RAB7A: variants seen among roughly 807,000 people sequenced by gnomAD.
RAB7A encodes the protein RAB7A, member RAS oncogene family, also known as ras-related protein Rab-7a.
Under a neutral mutation model 24.5 loss-of-function variants are expected in RAB7A, and 2 were observed. The observed-to-expected ratio is 0.08, with a 90% CI of 0.03 to 0.26. The LOEUF (loss-of-function observed/expected upper bound fraction) is 0.26. RAB7A is among the 10% of genes least tolerant of loss of function. The pLI is 1.00. For synonymous variants in RAB7A, 100 were observed against 95.9 expected (o/e 1.04, Z -0.25); for missense variants, 118 against 255.7 (o/e 0.46, Z 3.67).
chr3:128,757,324 G>C (rs1169332611), intron 1 of RAB7A, among the ~76,000 whole-genome samples: 2 of 152,112 alleles, frequency 1.3e-5, no homozygotes, highest in Non-Finnish European at 2.9e-5. Flanking sequence ...AAGTGAAAGT[G>C]TGCCATTTTA....
Position 128,781,319 on chromosome 3 carries a change from A to T in RAB7A, c.-8-14041A>T, listed in dbSNP as rs181743924. Among the ~76,000 whole-genome samples, 3 of 152,154 alleles carry T rather than the reference A, an allele frequency of 2.0e-5. No individual in the cohort carries two copies. The East Asian group carries it at 5.8e-4, about 29-fold the overall frequency. Reference sequence around the variant, plus strand: ...ATGGAATGCTAGGAGCTTTCTGTGCATTATCTCATTTGTGGAGGATTCTCA... The same window carrying T: ...ATGGAATGCTAGGAGCTTTCTGTGCTTTATCTCATTTGTGGAGGATTCTCA... On this transcript the variant is annotated intron_variant, in intron 1 of 5. Transcript: ENST00000265062.
intron 1 of RAB7A, among the ~76,000 whole-genome samples, chr3:128,760,993 G>A (rs2070772091): frequency 6.6e-6 from 1 of 152,198 alleles, no homozygotes. Context: ...GATGGAAATT[G>A]TACAGATGCA....
chr3:128,733,300 C>T (rs1204415635), intron 1 of RAB7A, among the ~76,000 whole-genome samples: 3 of 152,170 alleles, frequency 2.0e-5, no homozygotes. Flanking sequence ...TGGAATCATA[C>T]ACTGTGTATT....
chr3:128,741,089 C>T (rs2070549010), intron 1 of RAB7A, among the ~76,000 whole-genome samples: 1 of 151,598 alleles, frequency 6.6e-6, no homozygotes, highest in African/African-American at 2.4e-5. Flanking sequence ...TTAACTTTCA[C>T]TTTCTGCTTT....
At chr3:128,783,350 C>A (rs1220241254) in intron 1 of RAB7A, among the ~76,000 whole-genome samples, 3 of 151,910 alleles carry the variant, frequency 2.0e-5, no homozygotes, top group Non-Finnish European at 4.4e-5. Context: ...GGTGCTCTTG[C>A]GTTTGAGGGA....
intron 1 of RAB7A, chr3:128,748,530 C>T (rs1305401666): frequency 6.6e-6 from 1 of 152,266 alleles, no homozygotes; most frequent in Non-Finnish European, 1.5e-5. Flanking sequence ...AGCCTTCCTC[C>T]AGTTTCCTAT....
At chr3:128,743,901 T>C (rs2070582406) in intron 1 of RAB7A, among the ~76,000 whole-genome samples, 1 of 151,332 alleles carries the variant, frequency 6.6e-6, no homozygotes, top group Non-Finnish European at 1.5e-5. Context: ...GCGATTCTCC[T>C]CCTCAGCCTC....
rs139260210 is a variant in RAB7A, at chr3:128,779,356, C to T, written c.-8-16004C>T. ...CCAGGAGACAAAGGTTGCAGTGAGC[C>T]GAGATCACGCCACTGCACTCCAGCC... is the stretch of plus-strand genomic sequence containing the variant. On this transcript the variant is annotated intron_variant, in intron 1 of 5. Transcript: ENST00000265062. Among the ~76,000 whole-genome samples, 852 of 150,894 alleles carry T rather than the reference C, an allele frequency of 5.6e-3. 6 individuals are homozygous for T. Among genetic ancestry groups the T allele is most frequent in the African/African-American group, 0.019 (799 of 41,022 alleles).
chr3:128,742,672 G>A (rs991124005), intron 1 of RAB7A, among the ~76,000 whole-genome samples: 2 of 152,092 alleles, frequency 1.3e-5, no homozygotes, highest in Non-Finnish European at 2.9e-5. Context: ...GCTGATTGGT[G>A]CGTTTACAAA....
intron 1 of RAB7A, among the ~76,000 whole-genome samples, chr3:128,736,286 G>A (rs2070489095): frequency 6.6e-6 from 1 of 152,104 alleles, no homozygotes; most frequent in South Asian, 2.1e-4. Context: ...AATAATGGCA[G>A]AAGAATAATA....
intron 1 of RAB7A, chr3:128,795,142 G>C: frequency 1.7e-6 from 1 of 592,102 alleles, no homozygotes; most frequent in Admixed American, 2.9e-5. Context: ...GCTTGCAGGG[G>C]CAGGATGGCC....
intron 1 of RAB7A, among the ~76,000 whole-genome samples, chr3:128,737,824 AGTTTTTTTTTTTTTT>A (rs2070506123): frequency 3.7e-5 from 1 of 27,390 alleles, no homozygotes; most frequent in African/African-American, 1.4e-4. Flanking sequence ...ATTTTTTTGT[AGTTTTTTTTTTTTTT>A]TTTTTTTTTT....
chr3:128,743,746 C>T (rs368444408), intron 1 of RAB7A, among the ~76,000 whole-genome samples: 3 of 151,428 alleles, frequency 2.0e-5, no homozygotes, highest in East Asian at 1.9e-4. Context: ...TGAGCCTATA[C>T]GTTCAATATC....
intron 1 of RAB7A, 48 bp downstream of exon 1, chr3:128,726,407 C>CG (rs1559776005): frequency 6.6e-6 from 1 of 152,418 alleles, no homozygotes; most frequent in Admixed American, 6.5e-5. Flanking sequence ...CATCCCCCCC[C>CG]TCAGCCCCTC....
At chr3:128,770,033 C>G (rs1351093823) in intron 1 of RAB7A, among the ~76,000 whole-genome samples, 1 of 146,936 alleles carries the variant, frequency 6.8e-6, no homozygotes, top group Non-Finnish European at 1.5e-5. Context: ...GACGGAGTCT[C>G]GCTCTGTCAC....
intron 1 of RAB7A, chr3:128,748,414 C>T (rs2070641772): frequency 6.6e-6 from 1 of 152,256 alleles, no homozygotes; most frequent in South Asian, 2.1e-4. Context: ...GGCAGGCTAG[C>T]TTAGACTCCT....
chr3:128,785,877 G>A (rs1242368725), intron 1 of RAB7A, among the ~76,000 whole-genome samples: 3 of 151,866 alleles, frequency 2.0e-5, no homozygotes. Context: ...CTTTTCAAAG[G>A]CTTCTGTCTT....
chr3:128,754,469 A>G (rs776435808), intron 1 of RAB7A, among the ~76,000 whole-genome samples: 7 of 152,230 alleles, frequency 4.6e-5, no homozygotes, highest in African/African-American at 9.6e-5. Context: ...ACAAAGATCA[A>G]CTAAACACAA....
intron 3 of RAB7A, among the ~76,000 whole-genome samples, chr3:128,803,228 G>A (rs1161619645): frequency 6.6e-6 from 1 of 152,130 alleles, no homozygotes; most frequent in Non-Finnish European, 1.5e-5. Flanking sequence ...TGAAAATAGT[G>A]AATACTTTTC....
Sources: allele counts gnomAD v4.1 joint callset (sites outside exome capture counted in the v4.1 genomes callset), GRCh38; gene constraint gnomAD v4.1.1; transcripts MANE v1.5; gene names NCBI Gene and HGNC (gene_info 2026-07-23, HGNC 2026-07-21).